Variants in GSG1L observed in about 807,000 individuals in gnomAD.
The protein encoded by GSG1L is germ cell-specific gene 1-like protein.
GSG1L carries 24 observed loss-of-function variants against 42.1 expected under a neutral mutation model. That is an observed-to-expected ratio of 0.57 (90% CI 0.41 to 0.80). The LOEUF is 0.80. Ranked by LOEUF, GSG1L falls within the 30% of genes least tolerant of loss-of-function variation. The pLI is 0.00. For synonymous variants in GSG1L, 215 were observed against 203.5 expected, an observed-to-expected ratio of 1.06 and a Z score of -0.48; for missense variants, 445 against 472.2, an observed-to-expected ratio of 0.94 and a Z score of 0.53.
At chr16:27,869,383 G>A (rs1182609208) in intron 3 of GSG1L, among the ~76,000 whole-genome samples, 3 of 151,546 alleles carry the variant, frequency 2.0e-5, no homozygotes, top group Non-Finnish European at 4.4e-5. Flanking sequence ...ATTTGCTGCT[G>A]TTTGCTCCCT....
intron 5 of GSG1L, among the ~76,000 whole-genome samples, chr16:27,808,366 C>T (rs1464756196): frequency 6.6e-6 from 1 of 151,994 alleles, no homozygotes; most frequent in Non-Finnish European, 1.5e-5. Flanking sequence ...GGATTATAGG[C>T]ATGAGCCACT....
At chr16:27,935,332 G>C (rs1596625477) in intron 2 of GSG1L, among the ~76,000 whole-genome samples, 1 of 152,016 alleles carries the variant, frequency 6.6e-6, no homozygotes, top group South Asian at 2.1e-4. Context: ...GGGAATGGGG[G>C]GCTTCAGAGT....
intron 2 of GSG1L, among the ~76,000 whole-genome samples, chr16:27,918,603 G>A (rs1324865772): frequency 6.6e-6 from 1 of 150,776 alleles, no homozygotes; most frequent in East Asian, 2.0e-4. Context: ...AGGTCACAGT[G>A]AGCCAAGATC....
intron 3 of GSG1L, among the ~76,000 whole-genome samples, chr16:27,860,395 G>C (rs1302108771): frequency 6.6e-6 from 1 of 152,220 alleles, no homozygotes; most frequent in East Asian, 1.9e-4. Context: ...ATCTCAGCAG[G>C]TCCGGAAGCC....
chr16:27,848,268 G>A (rs149135923), intron 3 of GSG1L, among the ~76,000 whole-genome samples: 7 of 152,254 alleles, frequency 4.6e-5, no homozygotes, highest in South Asian at 2.1e-4. Flanking sequence ...AATCCCCAGC[G>A]CCAAGCCCAG....
At chr16:28,044,230 A>C (rs2086139327) in intron 1 of GSG1L, among the ~76,000 whole-genome samples, 1 of 149,774 alleles carries the variant, frequency 6.7e-6, no homozygotes, top group Admixed American at 6.6e-5. Flanking sequence ...CACACAAATT[A>C]GCCAGGCATG....
intron 3 of GSG1L, among the ~76,000 whole-genome samples, chr16:27,878,924 G>A (rs989294469): frequency 6.6e-5 from 10 of 152,230 alleles, no homozygotes; most frequent in Non-Finnish European, 2.9e-5. Flanking sequence ...CTATGAGGAA[G>A]CATCAGGGGT....
intron 1 of GSG1L, among the ~76,000 whole-genome samples, chr16:28,005,446 C>G (rs1738677965): frequency 6.6e-6 from 1 of 152,190 alleles, no homozygotes; most frequent in Non-Finnish European, 1.5e-5. Context: ...ATGGCATTCT[C>G]CCTGTAAGGG....
intron 3 of GSG1L, among the ~76,000 whole-genome samples, chr16:27,855,822 C>T (rs2083570962): frequency 6.6e-6 from 1 of 152,014 alleles, no homozygotes; most frequent in Non-Finnish European, 1.5e-5. Flanking sequence ...AAGAAATCAC[C>T]CTCAAGGGTC....
intron 3 of GSG1L, among the ~76,000 whole-genome samples, chr16:27,854,209 G>C (rs1221562730): frequency 6.7e-6 from 1 of 149,518 alleles, no homozygotes; most frequent in Non-Finnish European, 1.5e-5. Context: ...GGGAGAGGAA[G>C]GGGGAGGATG....
intron 1 of GSG1L, among the ~76,000 whole-genome samples, chr16:28,013,754 G>A (rs1254518744): frequency 6.6e-6 from 1 of 152,236 alleles, no homozygotes; most frequent in East Asian, 1.9e-4. Context: ...ACTAGCGATT[G>A]TACACCAAAG....
intron 2 of GSG1L, among the ~76,000 whole-genome samples, chr16:27,925,501 C>T (rs543415184): frequency 5.3e-5 from 8 of 152,056 alleles, no homozygotes; most frequent in Non-Finnish European, 1.2e-4. Context: ...CATGGGAAGC[C>T]ACTGAAGATT....
intron 3 of GSG1L, among the ~76,000 whole-genome samples, chr16:27,855,917 C>T (rs1004326126): frequency 6.6e-6 from 1 of 151,986 alleles, no homozygotes; most frequent in African/African-American, 2.4e-5. Context: ...GGAAGGCTTC[C>T]CTGAGGCAGG....
At chr16:27,937,413 G>T (rs1023615060) in intron 2 of GSG1L, among the ~76,000 whole-genome samples, 11 of 149,772 alleles carry the variant, frequency 7.3e-5, no homozygotes, top group African/African-American at 9.9e-5. Flanking sequence ...AGCTAATTTT[G>T]TATTTTTTAG....
At chr16:27,854,346 G>A (rs1256716982) in intron 3 of GSG1L, among the ~76,000 whole-genome samples, 4 of 127,120 alleles carry the variant, frequency 3.1e-5, no homozygotes, top group South Asian at 6.3e-4. Context: ...GGAGGGGGAC[G>A]GAAGGAGGAG....
At chr16:27,804,516 A>C (rs1249732216) in intron 6 of GSG1L, among the ~76,000 whole-genome samples, 1 of 151,092 alleles carries the variant, frequency 6.6e-6, no homozygotes, top group East Asian at 2.0e-4. Context: ...CTCCCCTCAG[A>C]CTGTGAGTCC....
chr16:27,846,039 A>G (rs566642013), intron 3 of GSG1L, among the ~76,000 whole-genome samples: 123 of 152,180 alleles, frequency 8.1e-4, no homozygotes, highest in Non-Finnish European at 1.5e-3. Flanking sequence ...AGTAGCTGGG[A>G]CTACAAGCAC....
intron 1 of GSG1L, among the ~76,000 whole-genome samples, chr16:28,007,245 G>C (rs2085651935): frequency 6.6e-6 from 1 of 152,154 alleles, no homozygotes; most frequent in Non-Finnish European, 1.5e-5. Flanking sequence ...GTCCATATAA[G>C]AGAGAAGCCA....
chr16:28,052,264 C>A (rs964340373), intron 1 of GSG1L, among the ~76,000 whole-genome samples: 2 of 151,824 alleles, frequency 1.3e-5, no homozygotes, highest in African/African-American at 4.8e-5. Flanking sequence ...ATCAGTGTTC[C>A]CTGGTTTCTA....
Sources: allele counts gnomAD v4.1 joint callset (sites outside exome capture counted in the v4.1 genomes callset), GRCh38; gene constraint gnomAD v4.1.1; transcripts MANE v1.5; gene names NCBI Gene and HGNC (gene_info 2026-07-23, HGNC 2026-07-21).